The following TMEM132B variants were observed in gnomAD, a reference collection of about 807,000 sequenced individuals.
TMEM132B encodes the protein transmembrane protein 132B.
Under a neutral mutation model 90.8 loss-of-function variants are expected in TMEM132B, and 18 were observed. The observed-to-expected ratio is 0.20, with a 90% CI of 0.14 to 0.29. The LOEUF (loss-of-function observed/expected upper bound fraction) is 0.29, where lower values mean the gene tolerates loss of function less well. Among genes scored for constraint, TMEM132B ranks in the 10% least tolerant of loss-of-function variants. The probability of loss-of-function intolerance (pLI) is 1.00; values close to 1 mark genes in which losing one functional copy is unlikely to be tolerated. For synonymous variants in TMEM132B, 504 were observed against 523.3 expected, an observed-to-expected ratio of 0.96 and a Z score of 0.50; for missense variants, 1,096 against 1,326.8, an observed-to-expected ratio of 0.83 and a Z score of 2.70.
intron 5 of TMEM132B, among the ~76,000 whole-genome samples, chr12:125,596,131 T>C (rs1885434367): frequency 6.6e-6 from 1 of 152,168 alleles, no homozygotes. Context: ...GAGTCTCCCA[T>C]GTTCTCCCCA....
chr12:125,533,143 C>T (rs944554859), intron 4 of TMEM132B, among the ~76,000 whole-genome samples: 2 of 152,170 alleles, frequency 1.3e-5, no homozygotes, highest in Non-Finnish European at 2.9e-5. Flanking sequence ...TCAACACAGT[C>T]CCCCTTACCT....
rs1220684976 is a variant in TMEM132B, at chr12:125,515,587, CCT to C, written c.1107-3848_1107-3847del. On this transcript the variant is annotated intron_variant, in intron 3 of 8. Transcript: ENST00000682704. ...CTCCCACACTCACACACACACATTC[CCT>C]CTCACACACACTCATACAACACATA... Among the ~76,000 whole-genome samples, 4 of 150,452 alleles carry C rather than the reference CCT, an allele frequency of 2.7e-5. No homozygotes were observed. In the East Asian group the frequency reaches 5.9e-4, roughly 22 times the overall value.
At chr12:125,403,818 C>T (rs910116247) in intron 2 of TMEM132B, among the ~76,000 whole-genome samples, 2 of 152,230 alleles carry the variant, frequency 1.3e-5, no homozygotes, top group African/African-American at 4.8e-5. Flanking sequence ...GGGTTAACTT[C>T]ACCCTTAGTG....
intron 3 of TMEM132B, among the ~76,000 whole-genome samples, chr12:125,494,972 C>T (rs1227462993): frequency 7.6e-6 from 1 of 131,172 alleles, no homozygotes; most frequent in African/African-American, 3.0e-5. Flanking sequence ...GTCCCTCCTC[C>T]CCCTCCTCCC....
At chr12:125,600,026 G>A (rs986575383) in intron 5 of TMEM132B, among the ~76,000 whole-genome samples, 2 of 152,098 alleles carry the variant, frequency 1.3e-5, no homozygotes, top group Non-Finnish European at 2.9e-5. Flanking sequence ...AGATTGTGAT[G>A]GTTATTTCAG....
intron 3 of TMEM132B, among the ~76,000 whole-genome samples, chr12:125,437,169 C>T (rs1283151751): frequency 1.3e-5 from 2 of 152,160 alleles, no homozygotes; most frequent in Non-Finnish European, 2.9e-5. Context: ...TGGGAGGGAG[C>T]ATGGGATTGG....
intron 8 of TMEM132B, 63 bp from the exon 9 acceptor site, chr12:125,653,496 ATTATAC>A (rs1261036457): frequency 1.1e-5 from 16 of 1,478,846 alleles, no homozygotes; most frequent in East Asian, 6.8e-5. Context: ...TATATAGGAA[ATTATAC>A]TTATGTTTTC....
intron 4 of TMEM132B, among the ~76,000 whole-genome samples, chr12:125,567,750 T>A (rs1397268435): frequency 6.6e-6 from 1 of 152,198 alleles, no homozygotes; most frequent in African/African-American, 2.4e-5. Flanking sequence ...AGAAGCTGTG[T>A]GAAATTTTAA....
At chr12:125,585,401 A>G (rs1221475974) in intron 5 of TMEM132B, 2 of 152,226 alleles carry the variant, frequency 1.3e-5, no homozygotes, top group Non-Finnish European at 2.9e-5. Context: ...CACCAATGAC[A>G]AATATGGATG....
intron 3 of TMEM132B, among the ~76,000 whole-genome samples, chr12:125,489,413 A>G (rs1882292960): frequency 1.3e-5 from 2 of 151,728 alleles, no homozygotes; most frequent in South Asian, 2.1e-4. Context: ...TTAAAAATTT[A>G]CTTATTTATT....
intron 1 of TMEM132B, among the ~76,000 whole-genome samples, chr12:125,281,862 A>G (rs988347548): frequency 6.6e-6 from 1 of 151,720 alleles, no homozygotes; most frequent in Non-Finnish European, 1.5e-5. Flanking sequence ...CCCCGTCTCT[A>G]CTAAATATAC....
Position 125,375,952 on chromosome 12 carries a change from C to T in TMEM132B, c.959+25609C>T, listed in dbSNP as rs1209981628. ...GGGGAAAAATGGTTTCAGGTGATAA[C>T]TCAGATGACTGTAGGTATTCCGGTA... On this transcript the variant is annotated intron_variant, in intron 2 of 8. Coordinates refer to ENST00000682704, the MANE Select transcript of TMEM132B (RefSeq NM_001366854.1). Among the ~76,000 whole-genome samples, 11 of 152,358 alleles carry T rather than the reference C, an allele frequency of 7.2e-5. No homozygotes were observed. In the East Asian group the frequency reaches 1.9e-3, roughly 27 times the overall value.
chr12:125,356,008 C>T (rs4765248), intron 2 of TMEM132B, among the ~76,000 whole-genome samples: 2 of 152,042 alleles, frequency 1.3e-5, no homozygotes. Flanking sequence ...GGGCTGGGGG[C>T]TGGTGGCAGG....
intron 3 of TMEM132B, among the ~76,000 whole-genome samples, chr12:125,462,628 G>A (rs939207684): frequency 6.6e-6 from 1 of 152,182 alleles, no homozygotes; most frequent in African/African-American, 2.4e-5. Context: ...TGAGGCATGG[G>A]TGAGCTGAGG....
At position 125,658,061 on chromosome 12, in the gene TMEM132B, C is replaced by T. The variant is rs1030097415; in HGVS notation, c.*3351C>T. On this transcript the variant is annotated 3_prime_UTR_variant, in exon 9 of 9. Transcript: ENST00000682704. ...CCTGGAAAAACAACACCTAGCAAAC[C>T]TCAGAATACTCCATGTGTCCCAAGA... The T allele has an allele frequency of 3.3e-5, 5 of 152,226 alleles. No individual in the cohort carries two copies. Among genetic ancestry groups the T allele is most frequent in the African/African-American group, 1.2e-4 (5 of 41,446 alleles). The allele number at this position is 152,226 out of a possible 1,614,324, so 9.4% of individuals were successfully genotyped here.
At chr12:125,414,396 T>G (rs758868298) in intron 2 of TMEM132B, among the ~76,000 whole-genome samples, 1 of 152,206 alleles carries the variant, frequency 6.6e-6, no homozygotes, top group African/African-American at 2.4e-5. Context: ...CATCAATCTT[T>G]TCTTGGTGGT....
At chr12:125,538,671 T>G (rs1883877026) in intron 4 of TMEM132B, among the ~76,000 whole-genome samples, 1 of 152,234 alleles carries the variant, frequency 6.6e-6, no homozygotes, top group Non-Finnish European at 1.5e-5. Context: ...TCCTGTTAAT[T>G]AACTCTGCCA....
chr12:125,295,500 C>G (rs1037917047), intron 1 of TMEM132B, among the ~76,000 whole-genome samples: 1 of 143,430 alleles, frequency 7.0e-6, no homozygotes, highest in African/African-American at 2.7e-5. Flanking sequence ...TCCATGAAAC[C>G]TGTGTGTGTG....
At position 125,506,368 on chromosome 12, in the gene TMEM132B, G is replaced by A. The variant is rs79244621; in HGVS notation, c.1107-13071G>A. On this transcript the variant is annotated intron_variant, in intron 3 of 8. Coordinates refer to ENST00000682704, the MANE Select transcript of TMEM132B (RefSeq NM_001366854.1). ...GTGGTTGTCAGAGTTGGGGAGTGTG[G>A]CAAGCGAGTTGTCTGAAAAGGGTCA... Among the ~76,000 whole-genome samples the A allele has an allele frequency of 5.7e-3, 866 of 152,284 alleles. 7 individuals are homozygous for A. The highest frequency in any genetic ancestry group is 0.02 in the African/African-American group (816 of 41,538).
Sources: allele counts gnomAD v4.1 joint callset (sites outside exome capture counted in the v4.1 genomes callset), GRCh38; gene constraint gnomAD v4.1.1; transcripts MANE v1.5; gene names NCBI Gene and HGNC (gene_info 2026-07-23, HGNC 2026-07-21).